MPPED2: variants seen among roughly 807,000 people sequenced by gnomAD.
MPPED2 encodes the protein metallophosphoesterase MPPED2.
In MPPED2, 5 loss-of-function variants were observed where a neutral mutation model predicts 33.0. The ratio of observed to expected loss-of-function variants is 0.15; its 90% confidence interval spans 0.08 to 0.32. MPPED2 has a LOEUF of 0.32. Ranked by LOEUF, MPPED2 falls within the 10% of genes least tolerant of loss-of-function variation. MPPED2 has a pLI of 1.00. For missense variants in MPPED2, 275 were observed against 372.1 expected, an observed-to-expected ratio of 0.74 and a Z score of 2.15; for synonymous variants, 136 against 141.9, an observed-to-expected ratio of 0.96 and a Z score of 0.29.
intron 3 of MPPED2, chr11:30,501,463 T>G: frequency 1.1e-5 from 2 of 177,822 alleles, no homozygotes; most frequent in Non-Finnish European, 2.2e-5. Flanking sequence ...GCACCTCTGT[T>G]GAGATAATCC....
chr11:30,563,261 G>A (rs1370987356), intron 2 of MPPED2, among the ~76,000 whole-genome samples: 2 of 152,100 alleles, frequency 1.3e-5, no homozygotes, highest in Non-Finnish European at 2.9e-5. Flanking sequence ...CCACAGATGG[G>A]GGTATGAGGG....
At position 30,554,835 on chromosome 11, in the gene MPPED2, T is replaced by C. The variant is rs111675973; in HGVS notation, c.129-18660A>G. The stretch of plus-strand genomic sequence containing the variant: ...TTGGGTTAGAAGATCCCCACGTGTG[T>C]CTGTCCTTAGGCCTGACGTCACATG... On this transcript the variant is annotated intron_variant, in intron 2 of 6. Coordinates refer to ENST00000358117, the MANE Select transcript of MPPED2 (RefSeq NM_001584.3). 2.3e-3 allele frequency among the ~76,000 whole-genome samples: 346 copies of C among 152,270 alleles called. 5 individuals are homozygous for C. Among genetic ancestry groups the C allele is most frequent in the African/African-American group, 7.9e-3 (327 of 41,556 alleles).
chr11:30,399,854 CAT>C (rs979760403), intron 6 of MPPED2, among the ~76,000 whole-genome samples: 11 of 152,160 alleles, frequency 7.2e-5, no homozygotes, highest in African/African-American at 2.4e-4. Context: ...AACTTTTTAA[CAT>C]GTTTGTATCC....
At chr11:30,581,540 A>G (rs140093204) in intron 1 of MPPED2, among the ~76,000 whole-genome samples, 13 of 152,308 alleles carry the variant, frequency 8.5e-5, no homozygotes, top group Non-Finnish European at 1.2e-4. Context: ...TAAGTGCACA[A>G]CGTCAGAATA....
chr11:30,521,519 T>C (rs1391087932), intron 3 of MPPED2, among the ~76,000 whole-genome samples: 3 of 152,196 alleles, frequency 2.0e-5, no homozygotes, highest in Admixed American at 6.5e-5. Context: ...TTGGATTTCA[T>C]TATTTAGCAC....
At chr11:30,580,808 T>C (rs956302576) in intron 1 of MPPED2, among the ~76,000 whole-genome samples, 1 of 152,234 alleles carries the variant, frequency 6.6e-6, no homozygotes, top group Non-Finnish European at 1.5e-5. Context: ...GGCATCTGGC[T>C]ATACATGGTT....
chr11:30,585,018 T>A (rs904985935), intron 1 of MPPED2: 1 of 152,242 alleles, frequency 6.6e-6, no homozygotes, highest in African/African-American at 2.4e-5. Context: ...TGATGTACTA[T>A]TATAAATCAA....
intron 4 of MPPED2, among the ~76,000 whole-genome samples, chr11:30,485,820 A>G (rs1326474629): frequency 6.6e-6 from 1 of 152,086 alleles, no homozygotes; most frequent in Non-Finnish European, 1.5e-5. Context: ...TTATAGATGA[A>G]CCCTTGAGAG....
intron 2 of MPPED2, among the ~76,000 whole-genome samples, chr11:30,536,403 T>TCC (rs1437983762): frequency 5.3e-5 from 8 of 151,928 alleles, no homozygotes; most frequent in Non-Finnish European, 8.8e-5. Flanking sequence ...GGTAGGAAAA[T>TCC]TAAAAGGAAT....
At chr11:30,430,373 G>GAATATTGAAAATA (rs1949024919) in intron 4 of MPPED2, among the ~76,000 whole-genome samples, 2 of 152,004 alleles carry the variant, frequency 1.3e-5, no homozygotes, top group Non-Finnish European at 2.9e-5. Context: ...TACTTTAATA[G>GAATATTGAAAATA]CTTTTATATT....
chr11:30,446,491 C>T lies in MPPED2; in HGVS notation c.537-28858G>A, dbSNP rs972276512. Among the ~76,000 whole-genome samples, 7 of 151,734 alleles carry T rather than the reference C, an allele frequency of 4.6e-5. 1 individual carries two copies. Among genetic ancestry groups the T allele is most frequent in the Admixed American group, 4.6e-4 (7 of 15,238 alleles). ...ACTCACTCCAAAGGGAAAAAAAAAACAATACAAGTAAGCAGAAGAAACAGC... is the reference window on the plus strand; with the variant it reads ...ACTCACTCCAAAGGGAAAAAAAAAATAATACAAGTAAGCAGAAGAAACAGC... On this transcript the variant is annotated intron_variant, in intron 4 of 6. Transcript: ENST00000358117.
At chr11:30,463,801 T>G (rs1341000709) in intron 4 of MPPED2, among the ~76,000 whole-genome samples, 2 of 152,136 alleles carry the variant, frequency 1.3e-5, no homozygotes, top group African/African-American at 4.8e-5. Context: ...TAAAATTGCA[T>G]GGAACATAAA....
rs200127159 is a variant in MPPED2 at position 30,415,401 on chromosome 11, T to TC, written c.653-1061dup. Among the ~76,000 whole-genome samples, 614 of 152,304 alleles carry TC rather than the reference T, an allele frequency of 4.0e-3. 3 individuals carry two copies. The highest frequency in any genetic ancestry group is 0.014 in the African/African-American group (568 of 41,558). On this transcript the variant is annotated intron_variant, in intron 5 of 6. Coordinates refer to ENST00000358117, the MANE Select transcript of MPPED2 (RefSeq NM_001584.3). ...GCATATTACCTCATGCATGTGTTTT[T>TC]CCTGAAGGGGGAAAATATTCCATTT...
intron 4 of MPPED2, among the ~76,000 whole-genome samples, chr11:30,421,496 C>T (rs931923873): frequency 6.6e-6 from 1 of 151,092 alleles, no homozygotes; most frequent in Admixed American, 6.6e-5. Context: ...AAACATTTAT[C>T]ATGGCCTTGA....
chr11:30,545,543 GTGA>G (rs771696833), intron 2 of MPPED2, among the ~76,000 whole-genome samples: 2 of 152,018 alleles, frequency 1.3e-5, no homozygotes, highest in Non-Finnish European at 2.9e-5. Context: ...TAGAGTAATA[GTGA>G]TGATGATGAT....
At chr11:30,548,600 T>C (rs1955552733) in intron 2 of MPPED2, among the ~76,000 whole-genome samples, 1 of 152,202 alleles carries the variant, frequency 6.6e-6, no homozygotes, top group African/African-American at 2.4e-5. Flanking sequence ...GATTCTTCTA[T>C]GAGAAATATT....
intron 2 of MPPED2, among the ~76,000 whole-genome samples, chr11:30,538,863 C>A (rs1954948239): frequency 6.6e-6 from 1 of 152,088 alleles, no homozygotes; most frequent in Admixed American, 6.6e-5. Context: ...ATATAGATAT[C>A]CTGACCCAGA....
chr11:30,428,359 G>A (rs1948935437), intron 4 of MPPED2, among the ~76,000 whole-genome samples: 1 of 152,158 alleles, frequency 6.6e-6, no homozygotes, highest in African/African-American at 2.4e-5. Flanking sequence ...TATTAATTTT[G>A]GGAAAAACAG....
chr11:30,529,086 G>A (rs1954363472), intron 3 of MPPED2, among the ~76,000 whole-genome samples: 1 of 152,114 alleles, frequency 6.6e-6, no homozygotes, highest in Non-Finnish European at 1.5e-5. Flanking sequence ...AATAAAAAGT[G>A]CATCAGTACA....
Sources: gnomAD v4.1 joint callset for allele counts (sites outside exome capture counted in the v4.1 genomes callset) on GRCh38, gnomAD v4.1.1 for gene constraint, MANE v1.5 for transcripts, NCBI Gene and HGNC (gene_info 2026-07-23, HGNC 2026-07-21) for gene names.